The following GALNT13 variants were observed in gnomAD, a reference collection of about 807,000 sequenced individuals.
The protein encoded by GALNT13 is UDP-GalNAc:polypeptide N-acetylgalactosaminyltransferase 13.
GALNT13 carries 28 observed loss-of-function variants against 64.2 expected under a neutral mutation model. The observed-to-expected ratio is 0.44, with a 90% CI of 0.32 to 0.60. The LOEUF is 0.60. Among genes scored for constraint, GALNT13 ranks in the 20% least tolerant of loss-of-function variants. The pLI is 0.05. For synonymous variants in GALNT13, 214 were observed against 224.6 expected, an observed-to-expected ratio of 0.95 and a Z score of 0.42; for missense variants, 577 against 669.8, an observed-to-expected ratio of 0.86 and a Z score of 1.53.
intron 4 of GALNT13, among the ~76,000 whole-genome samples, chr2:154,175,426 T>C (rs1685591937): frequency 6.6e-6 from 1 of 152,196 alleles, no homozygotes; most frequent in African/African-American, 2.4e-5. Context: ...ACTGTCTGAA[T>C]AACCACATTT....
intron 9 of GALNT13, among the ~76,000 whole-genome samples, chr2:154,394,077 CAAAAAAAAAAAAA>C (rs369267777): frequency 6.2e-5 from 2 of 32,004 alleles, no homozygotes; most frequent in Admixed American, 1.1e-3. Context: ...GACTCCGTCT[CAAAAAAAAAAAAA>C]AAAAAAAAAA....
chr2:154,339,994 A>C (rs1559099690), intron 9 of GALNT13, among the ~76,000 whole-genome samples: 1 of 152,152 alleles, frequency 6.6e-6, no homozygotes, highest in Admixed American at 6.6e-5. Flanking sequence ...GTATTAGGTC[A>C]TATTACACAA....
chr2:153,600,876 A>G, the GALNT13 span, among the ~76,000 whole-genome samples: 1 of 152,120 alleles, frequency 6.6e-6, no homozygotes, highest in East Asian at 1.9e-4. Context: ...GCTGTATCTA[A>G]CGCTTAATGG....
the GALNT13 span, among the ~76,000 whole-genome samples, chr2:153,118,874 G>C: frequency 2.0e-5 from 3 of 152,132 alleles, no homozygotes; most frequent in African/African-American, 7.2e-5. Context: ...GTTTGACTGT[G>C]TCCCCACCCA....
chr2:153,697,273 T>A, the GALNT13 span, among the ~76,000 whole-genome samples: 4 of 152,212 alleles, frequency 2.6e-5, no homozygotes, highest in Admixed American at 6.5e-5. Flanking sequence ...TGGTGTCTGC[T>A]TTATAAGATG....
chr2:153,699,425 A>T, the GALNT13 span, among the ~76,000 whole-genome samples: 1 of 152,252 alleles, frequency 6.6e-6, no homozygotes, highest in East Asian at 1.9e-4. Flanking sequence ...TCACAATTGA[A>T]AGAACTAGAG....
intron 1 of GALNT13, among the ~76,000 whole-genome samples, chr2:153,881,308 A>G (rs1444682): frequency 0.71 from 108,155 of 152,142 alleles, 38,785 homozygotes; most frequent in East Asian, 0.96. Context: ...CTGACTTCAC[A>G]TCAAAAATCA....
At chr2:153,736,579 G>A in the GALNT13 span, among the ~76,000 whole-genome samples, 8 of 152,138 alleles carry the variant, frequency 5.3e-5, no homozygotes, top group African/African-American at 1.9e-4. Context: ...ATGTATATTA[G>A]CACCCAAACA....
intron 3 of GALNT13, among the ~76,000 whole-genome samples, chr2:154,039,657 C>T (rs867526271): frequency 2.9e-5 from 4 of 139,066 alleles, no homozygotes; most frequent in Admixed American, 7.3e-5. Context: ...CTAATGGATG[C>T]AGAATTACAA....
At chr2:154,338,499 AAGG>A (rs1319112307) in intron 9 of GALNT13, among the ~76,000 whole-genome samples, 1 of 152,062 alleles carries the variant, frequency 6.6e-6, no homozygotes, top group African/African-American at 2.4e-5. Flanking sequence ...TACTATCTTG[AAGG>A]AGGAGTTTTA....
At chr2:153,965,560 A>G (rs1693272217) in intron 3 of GALNT13, among the ~76,000 whole-genome samples, 1 of 152,148 alleles carries the variant, frequency 6.6e-6, no homozygotes, top group African/African-American at 2.4e-5. Flanking sequence ...TATATAGAAC[A>G]GGACGGTCTT....
the GALNT13 span, among the ~76,000 whole-genome samples, chr2:153,346,035 C>T: frequency 3.3e-3 from 501 of 152,072 alleles, 2 homozygotes; most frequent in African/African-American, 0.011. Flanking sequence ...AGTGCAGTGG[C>T]GCGATCTCGG....
chr2:154,049,920 C>A (rs1204399447), intron 3 of GALNT13, among the ~76,000 whole-genome samples: 1 of 151,834 alleles, frequency 6.6e-6, no homozygotes, highest in Non-Finnish European at 1.5e-5. Context: ...TCTGTTTGAC[C>A]AATACCAGCA....
chr2:153,367,125 G>T, the GALNT13 span, among the ~76,000 whole-genome samples: 1 of 151,754 alleles, frequency 6.6e-6, no homozygotes, highest in Non-Finnish European at 1.5e-5. Flanking sequence ...ATAAAGAAAT[G>T]ATTAATGCAG....
chr2:154,096,795 T>C (rs1702092256), intron 3 of GALNT13, among the ~76,000 whole-genome samples: 1 of 151,972 alleles, frequency 6.6e-6, no homozygotes, highest in South Asian at 2.1e-4. Flanking sequence ...TCTAAAAAAT[T>C]AAAATATCTG....
chr2:154,073,262 C>T (rs1029529884), intron 3 of GALNT13, among the ~76,000 whole-genome samples: 1 of 151,858 alleles, frequency 6.6e-6, no homozygotes, highest in Non-Finnish European at 1.5e-5. Flanking sequence ...GCTAGTTTTT[C>T]GTAGAACATC....
At chr2:153,890,041 C>T (rs779930215) in intron 1 of GALNT13, among the ~76,000 whole-genome samples, 2 of 151,672 alleles carry the variant, frequency 1.3e-5, no homozygotes, top group Non-Finnish European at 2.9e-5. Context: ...TTCTCTCATT[C>T]TTGCTTCTGA....
intron 4 of GALNT13, among the ~76,000 whole-genome samples, chr2:154,147,381 T>TTATA (rs34053196): frequency 0.04 from 5,698 of 144,136 alleles, 263 homozygotes; most frequent in African/African-American, 0.11. Flanking sequence ...GAATGGAATT[T>TTATA]TATATATATA....
At chr2:154,111,588 C>A (rs1702988934) in intron 3 of GALNT13, among the ~76,000 whole-genome samples, 1 of 152,120 alleles carries the variant, frequency 6.6e-6, no homozygotes. Flanking sequence ...TCTAGGCCAG[C>A]AAAACGTAAG....
Sources: allele counts gnomAD v4.1 joint callset (sites outside exome capture counted in the v4.1 genomes callset), GRCh38; gene constraint gnomAD v4.1.1; transcripts MANE v1.5; gene names NCBI Gene and HGNC (gene_info 2026-07-23, HGNC 2026-07-21).